The following TG variants were observed in gnomAD, a reference collection of about 807,000 sequenced individuals.
TG encodes the protein thyroid hormones.
TG carries 270 observed loss-of-function variants against 324.7 expected under a neutral mutation model. The ratio of observed to expected loss-of-function variants is 0.83; its 90% CI spans 0.75 to 0.92. The LOEUF is 0.92. Among genes scored for constraint, TG ranks in the 40% least tolerant of loss-of-function variants. TG has a pLI of 0.00. For missense variants in TG, 3,591 were observed against 3,456.4 expected (o/e 1.04, Z -0.98); for synonymous variants, 1,401 against 1,327.0 (o/e 1.06, Z -1.21).
At chr8:133,000,663 T>C (rs1833380545) in intron 35 of TG, among the ~76,000 whole-genome samples, 1 of 152,156 alleles carries the variant, frequency 6.6e-6, no homozygotes, top group Non-Finnish European at 1.5e-5. Flanking sequence ...ATTATGTCTG[T>C]GCCGCTTCGT....
intron 43 of TG, among the ~76,000 whole-genome samples, chr8:133,110,244 G>A (rs1850150043): frequency 6.6e-6 from 1 of 152,142 alleles, no homozygotes; most frequent in African/African-American, 2.4e-5. Context: ...TGAGGTGGGG[G>A]CATCATGGAT....
At chr8:132,954,032 G>T (rs1044251620) in intron 27 of TG, among the ~76,000 whole-genome samples, 1 of 151,976 alleles carries the variant, frequency 6.6e-6, no homozygotes, top group Non-Finnish European at 1.5e-5. Flanking sequence ...ATACTACTGG[G>T]TTCATCCTGA....
chr8:132,885,920 C>T (rs1815346393), intron 8 of TG, among the ~76,000 whole-genome samples: 1 of 152,198 alleles, frequency 6.6e-6, no homozygotes, highest in Non-Finnish European at 1.5e-5. Flanking sequence ...CCTGTGTCTT[C>T]ACACAGCCTT....
chr8:132,897,873 G>A, intron 12 of TG, 87 bp downstream of exon 12: 1 of 1,511,860 alleles, frequency 6.6e-7, no homozygotes, highest in Non-Finnish European at 9.1e-7. Flanking sequence ...AGGCAAGTGA[G>A]CTGGACTCTT....
intron 37 of TG, among the ~76,000 whole-genome samples, chr8:133,015,664 G>A (rs1329170694): frequency 6.6e-6 from 1 of 152,198 alleles, no homozygotes; most frequent in Non-Finnish European, 1.5e-5. Context: ...TATACAAAAT[G>A]TGGCTGTTTC....
chr8:132,910,369 A>G (rs1587364672), intron 18 of TG, among the ~76,000 whole-genome samples: 1 of 151,760 alleles, frequency 6.6e-6, no homozygotes, highest in Non-Finnish European at 1.5e-5. Flanking sequence ...TCCTTCTAAA[A>G]CCCTCCAGTC....
chr8:132,954,854 C>T (rs377480091), intron 27 of TG, among the ~76,000 whole-genome samples: 22 of 152,254 alleles, frequency 1.4e-4, no homozygotes, highest in African/African-American at 4.1e-4. Context: ...CTTTATTCCA[C>T]GATCATATGA....
At chr8:132,985,828 T>A (rs1286867699) in intron 35 of TG, among the ~76,000 whole-genome samples, 1 of 152,134 alleles carries the variant, frequency 6.6e-6, no homozygotes, top group Admixed American at 6.5e-5. Context: ...CATTCTTCAC[T>A]TAACAGTGTT....
At chr8:132,995,511 G>C (rs1397915987) in intron 35 of TG, 2 of 985,256 alleles carry the variant, frequency 2.0e-6, no homozygotes, top group East Asian at 1.1e-4. Context: ...GACTCACTTT[G>C]CTTAGATCAG....
intron 11 of TG, among the ~76,000 whole-genome samples, chr8:132,894,728 C>G (rs1816859601): frequency 6.6e-6 from 1 of 152,156 alleles, no homozygotes; most frequent in Admixed American, 6.5e-5. Context: ...CCCAAAGTGC[C>G]AGGATTACAG....
chr8:133,111,149 C>T (rs944235806), intron 43 of TG, among the ~76,000 whole-genome samples: 1 of 152,234 alleles, frequency 6.6e-6, no homozygotes, highest in Admixed American at 6.5e-5. Flanking sequence ...AACCACCCAT[C>T]CTTCCATGGG....
intron 35 of TG, chr8:132,988,891 T>G (rs1302428071): frequency 1.0e-6 from 1 of 985,258 alleles, no homozygotes; most frequent in Non-Finnish European, 1.2e-6. Context: ...AATGTTTCTC[T>G]TAGAGGTGTG....
intron 35 of TG, among the ~76,000 whole-genome samples, chr8:133,008,888 T>C (rs186896991): frequency 1.3e-5 from 2 of 152,232 alleles, no homozygotes; most frequent in Non-Finnish European, 2.9e-5. Flanking sequence ...GCCCCAACTT[T>C]CCTGCTTCAT....
chr8:132,934,157 A>G (rs1008005776), intron 24 of TG, among the ~76,000 whole-genome samples: 3 of 152,068 alleles, frequency 2.0e-5, no homozygotes, highest in Non-Finnish European at 4.4e-5. Context: ...ACATGGAGAA[A>G]CCCTGTCTCT....
intron 45 of TG, among the ~76,000 whole-genome samples, chr8:133,118,217 A>G (rs777948509): frequency 6.6e-6 from 1 of 151,912 alleles, no homozygotes; most frequent in Non-Finnish European, 1.5e-5. Context: ...CCATTCCCCA[A>G]TAATGCTCTC....
chr8:133,066,325 C>CAAAA (rs11395047), intron 41 of TG, among the ~76,000 whole-genome samples: 18 of 87,000 alleles, frequency 2.1e-4, no homozygotes, highest in Non-Finnish European at 2.5e-4. Context: ...GACTCTGTCT[C>CAAAA]AAAAAAAAAA....
intron 21 of TG, 152 bp downstream of exon 21, chr8:132,919,677 G>A (rs1820850998): frequency 4.8e-6 from 5 of 1,041,394 alleles, no homozygotes; most frequent in Non-Finnish European, 5.8e-6. Context: ...AGTAGCATTG[G>A]TAGCTCTCAG....
rs185738929 is a variant in TG at position 133,118,497 on chromosome 8, G to A, written c.7862+1781G>A. ...GCGCCATGATTCCCAGCTAATTTTC[G>A]TATTTTTAGTAGAGATGGGGTTTCA... On this transcript the variant is annotated intron_variant, in intron 45 of 47. Transcript: ENST00000220616. Among the ~76,000 whole-genome samples, 31 of 152,008 alleles carry A rather than the reference G, an allele frequency of 2.0e-4. No homozygotes were observed. The South Asian group carries it at 2.7e-3, about 13-fold the overall frequency.
chr8:133,039,928 T>A, intron 41 of TG: 1 of 1,517,524 alleles, frequency 6.6e-7, no homozygotes, highest in Non-Finnish European at 8.9e-7. Flanking sequence ...CGTTTTGTGC[T>A]CACATGTTCA....
Sources: allele counts gnomAD v4.1 joint callset (sites outside exome capture counted in the v4.1 genomes callset), GRCh38; gene constraint gnomAD v4.1.1; transcripts MANE v1.5; gene names NCBI Gene and HGNC (gene_info 2026-07-23, HGNC 2026-07-21).